The following GDF7 variants were observed in gnomAD, a reference collection of about 807,000 sequenced individuals.
GDF7 encodes growth differentiation factor 7.
Under a neutral mutation model 13.4 loss-of-function variants are expected in GDF7, and 12 were observed. That is an observed-to-expected ratio of 0.90 (90% confidence interval 0.57 to 1.45). GDF7 has a LOEUF of 1.45. Ranked by LOEUF, GDF7 falls within the 40% of genes most tolerant of loss-of-function variation. The pLI is 0.00. For synonymous variants in GDF7, 330 were observed against 306.4 expected (o/e 1.08, Z -0.80); for missense variants, 651 against 652.4 (o/e 1.00, Z 0.02).
Position 20,671,026 on chromosome 2 carries a change from A to G in GDF7, c.954A>G (p.Arg318=). The G allele has an allele frequency of 2.0e-6, 3 of 1,526,556 alleles. No homozygotes were observed. Among genetic ancestry groups the G allele is most frequent in the Non-Finnish European group, 1.8e-6 (2 of 1,138,476 alleles). 94.6% of individuals were successfully genotyped at this position (1,526,556 alleles called of 1,614,324 possible). Residue 318 remains arginine, a synonymous_variant, in exon 2 of 2, where the codon AGA becomes AGG. Coordinates refer to ENST00000272224, the MANE Select transcript of GDF7 (RefSeq NM_182828.4). ...CAAGGGCAGTCATTGGCGGCCGCAG[A>G]CGGAGGAGGACGGCGTTGGCCGGGA... The part of the protein sequence containing the change: ...ASPRAVIGGR[R]RRRTALAGTR...
Position 20,671,434 on chromosome 2 carries a change from C to A in GDF7, c.*9C>A, listed in dbSNP as rs1428384995. ...CCTGCGGCTGCAGGTAGCGCGAGGGCCGGGGAGGGGGCAGCCACGCGGCCG... is the reference window on the plus strand; with the variant it reads ...CCTGCGGCTGCAGGTAGCGCGAGGGACGGGGAGGGGGCAGCCACGCGGCCG... On this transcript the variant is annotated 3_prime_UTR_variant, in exon 2 of 2. Coordinates refer to ENST00000272224, the MANE Select transcript of GDF7 (RefSeq NM_182828.4). The A allele has an allele frequency of 2.5e-6, 4 of 1,606,426 alleles. No individual in the cohort carries two copies. Among genetic ancestry groups the A allele is most frequent in the South Asian group, 1.1e-5 (1 of 90,382 alleles).
At position 20,667,464 on chromosome 2, in the gene GDF7, C is replaced by A. The variant is rs1326250296; in HGVS notation, c.225C>A (p.Arg75=). 3 of 1,219,212 alleles carry A rather than the reference C, an allele frequency of 2.5e-6. No homozygotes were observed. In the East Asian group the frequency reaches 1.0e-4, roughly 42 times the overall value. The allele number at this position is 1,219,212 out of a possible 1,614,324, so 75.5% of individuals were successfully genotyped here. A position where few individuals can be genotyped will look rare whatever the true frequency, so the allele number is the denominator to read the frequency against. Residue 75 remains arginine, a synonymous_variant, in exon 1 of 2, where the codon CGC becomes CGA. Coordinates refer to ENST00000272224, the MANE Select transcript of GDF7 (RefSeq NM_182828.4). The surrounding 1 kb of genome is among the most constrained non-coding windows in gnomAD (Gnocchi z 6.4). ...TTCCCCGGGCCCGCGCCGCGCGCCG[C>A]GCCGCGGGCTCCGGCTTCAGGAACG... ...AAVPRARAAR[R]AAGSGFRNGS... is the part of the protein sequence containing the mutation.
At position 20,674,679 on chromosome 2, in the gene GDF7, G is replaced by A. The variant is rs1452114264; in HGVS notation, c.*3254G>A. The A allele has an allele frequency of 6.6e-6, 1 of 152,292 alleles. No homozygotes were observed. The highest frequency in any genetic ancestry group is 1.5e-5 in the Non-Finnish European group (1 of 68,084). 9.4% of individuals were successfully genotyped at this position (152,292 alleles called of 1,614,324 possible). A position where few individuals can be genotyped will look rare whatever the true frequency, so the allele number is the denominator to read the frequency against. On this transcript the variant is annotated 3_prime_UTR_variant, in exon 2 of 2. Transcript: ENST00000272224. Reference sequence around the variant, plus strand: ...GGCTTTGCTGTGTTAGCTTGGGGAAGCCAGGCTTGAGCTGTGCTCAGTCAT... The same window carrying A: ...GGCTTTGCTGTGTTAGCTTGGGGAAACCAGGCTTGAGCTGTGCTCAGTCAT...
rs1448546688 is a variant in GDF7, at chr2:20,678,069, C to CA, written c.*6647dup. 2.6e-5 allele frequency: 4 copies of CA among 152,256 alleles called. No homozygotes were observed. The highest frequency in any genetic ancestry group is 9.6e-5 in the African/African-American group (4 of 41,452). The allele number at this position is 152,256 out of a possible 1,614,324, so 9.4% of individuals were successfully genotyped here. ...TTCCTGGGTCAGGGCCTGTCAGACTCAAAGTCAGCTCTTCAGCATTCTGTT... is the reference window on the plus strand; with the variant it reads ...TTCCTGGGTCAGGGCCTGTCAGACTCAAAAGTCAGCTCTTCAGCATTCTGTT... On this transcript the variant is annotated 3_prime_UTR_variant, in exon 2 of 2. Coordinates refer to ENST00000272224, the MANE Select transcript of GDF7 (RefSeq NM_182828.4).
Position 20,670,897 on chromosome 2 carries a change from G to A in GDF7, c.825G>A (p.Gln275=). ...TGCTAGTCGTCTCCTCCCGCACGCA[G>A]AGGAAAGAGAGCTTATTCCGGGAGA... ...RAVLVVSSRT[Q]RKESLFREIR... is the part of the protein sequence containing the mutation. Residue 275 remains glutamine (Q), a synonymous_variant, in exon 2 of 2, where the codon CAG becomes CAA. Transcript: ENST00000272224. 6.4e-7 allele frequency: 1 copy of A among 1,560,008 alleles called. No individual in the cohort carries two copies. Among genetic ancestry groups the A allele is most frequent in the Admixed American group, 1.8e-5 (1 of 57,080 alleles).
Position 20,671,213 on chromosome 2 carries a change from C to G in GDF7, c.1141C>G (p.Leu381Val). 1 of 1,613,988 alleles carries G rather than the reference C, an allele frequency of 6.2e-7. No individual in the cohort carries two copies. The highest frequency in any genetic ancestry group is 8.5e-7 in the Non-Finnish European group (1 of 1,179,946). ...LDYEAYHCEG[L>V]CDFPLRSHLE... ...CTACGAGGCGTACCACTGCGAGGGCCTTTGCGACTTCCCTTTGCGTTCGCA... is the reference window on the plus strand; with the variant it reads ...CTACGAGGCGTACCACTGCGAGGGCGTTTGCGACTTCCCTTTGCGTTCGCA... The change falls in exon 2 of 2, where the codon CTT (leucine) becomes GTT (valine). Residue 381 changes from leucine to valine, a missense_variant. Physicochemically the swap from Leu to Val is conservative, Grantham distance 32 (BLOSUM62 1). Around this residue, in one of 4 missense-constraint regions of GDF7, gnomAD observed 101 missense variants for 139.2 expected, o/e 0.73. Transcript: ENST00000272224.
chr2:20,669,751 T>C (rs1386027170), intron 1 of GDF7, among the ~76,000 whole-genome samples: 3 of 152,218 alleles, frequency 2.0e-5, no homozygotes, highest in East Asian at 1.9e-4. Context: ...ACCTGAGACC[T>C]TGGGCGAGCC....
Position 20,675,968 on chromosome 2 carries a change from GTGGGCGGAGCCACACTC to G in GDF7, c.*4544_*4560del, listed in dbSNP as rs1423560183. On this transcript the variant is annotated 3_prime_UTR_variant, in exon 2 of 2. Transcript: ENST00000272224. Reference sequence around the variant, plus strand: ...TGCAGTTCCTCCTGTGCTCAGTGGGGTGGGCGGAGCCACACTCAAGCTGAGACTGTCTGAGAGACCTA... The same window carrying G: ...TGCAGTTCCTCCTGTGCTCAGTGGGGAAGCTGAGACTGTCTGAGAGACCTA... 1 of 152,412 alleles carries G rather than the reference GTGGGCGGAGCCACACTC, an allele frequency of 6.6e-6. No individual in the cohort carries two copies. Among genetic ancestry groups the G allele is most frequent in the Admixed American group, 6.5e-5 (1 of 15,314 alleles). The allele number at this position is 152,412 out of a possible 1,614,324, so 9.4% of individuals were successfully genotyped here.
chr2:20,670,435 TTCTC>T (rs1662094877), intron 1 of GDF7, 25 bp from the exon 2 acceptor site: 6 of 1,494,360 alleles, frequency 4.0e-6, no homozygotes, highest in Non-Finnish European at 5.3e-6. Flanking sequence ...ACACAGCTCT[TTCTC>T]TCTGTCCCTG....
chr2:20,668,915 G>GTGTGCCCTGTA (rs1439117797), intron 1 of GDF7, among the ~76,000 whole-genome samples: 66 of 96,590 alleles, frequency 6.8e-4, no homozygotes, highest in African/African-American at 2.7e-3. Context: ...AGGGACTGAA[G>GTGTGCCCTGTA]GGTCCCAGGC....
At chr2:20,669,040 T>C (rs1407872437) in intron 1 of GDF7, among the ~76,000 whole-genome samples, 8 of 152,196 alleles carry the variant, frequency 5.3e-5, no homozygotes, top group African/African-American at 1.9e-4. Flanking sequence ...TCTGGGGAGC[T>C]CAGCTTGGCT....
In GDF7 at chr2:20,667,597, A is replaced by G; in HGVS notation, c.358A>G (p.Thr120Ala). Residue 120 changes from threonine to alanine, a missense_variant, in exon 1 of 2, where the codon ACG becomes GCG. Coordinates refer to ENST00000272224, the MANE Select transcript of GDF7 (RefSeq NM_182828.4). This position sits in a 1 kb window ranked among gnomAD's most constrained non-coding sequence, Gnocchi z 6.4. The stretch of plus-strand genomic sequence containing the variant: ...CGCCTCGGGCCATGGTCGCGCGGAC[A>G]CGATCACCGGCTTCACAGACCAGGC... Reference protein sequence around the residue: ...VSASGHGRADTITGFTDQATQ... With the variant: ...VSASGHGRADAITGFTDQATQ... The G allele has an allele frequency of 2.0e-6, 3 of 1,511,394 alleles. No individual in the cohort carries two copies. Among genetic ancestry groups the G allele is most frequent in the Non-Finnish European group, 2.6e-6 (3 of 1,136,660 alleles). 93.6% of individuals were successfully genotyped at this position (1,511,394 alleles called of 1,614,324 possible).
At position 20,667,345 on chromosome 2, in the gene GDF7, C is replaced by T; in HGVS notation, c.106C>T (p.Pro36Ser). Residue 36 changes from proline to serine, a missense_variant, in exon 1 of 2, where the codon CCG becomes TCG. Pro to Ser is a moderately conservative substitution (Grantham distance 74, BLOSUM62 -1). This residue lies in a region of GDF7 where 61 missense variants were observed against 50.5 expected (regional missense o/e 1.21). Transcript: ENST00000272224. This position sits in a 1 kb window ranked among gnomAD's most constrained non-coding sequence, Gnocchi z 6.4. ...AAVLRAAGAG[P>S]VRSPGGGGGG... is the part of the protein sequence containing the mutation. ...CGTGCTGCGAGCGGCGGGGGCTGGG[C>T]CGGTCCGGAGCCCAGGGGGCGGCGG... is the stretch of plus-strand genomic sequence containing the variant. 1.1e-6 allele frequency: 1 copy of T among 951,010 alleles called. No individual in the cohort carries two copies. 58.9% of individuals were successfully genotyped at this position (951,010 alleles called of 1,614,324 possible).
Position 20,672,960 on chromosome 2 carries a change from C to A in GDF7, c.*1535C>A, listed in dbSNP as rs181467549. 89 of 152,160 alleles carry A rather than the reference C, an allele frequency of 5.8e-4. No homozygotes were observed. Among genetic ancestry groups the A allele is most frequent in the African/African-American group, 2.0e-3 (82 of 41,522 alleles). 9.4% of individuals were successfully genotyped at this position (152,160 alleles called of 1,614,324 possible). On this transcript the variant is annotated 3_prime_UTR_variant, in exon 2 of 2. Coordinates refer to ENST00000272224, the MANE Select transcript of GDF7 (RefSeq NM_182828.4). Reference sequence around the variant, plus strand: ...GGACTCCAGCTGTCCGGGGTGGGGGCTTCTTAGAACAGCCCCGCAGCCCTC... The same window carrying A: ...GGACTCCAGCTGTCCGGGGTGGGGGATTCTTAGAACAGCCCCGCAGCCCTC...
Position 20,667,337 on chromosome 2 carries a change from G to A in GDF7, c.98G>A (p.Gly33Glu). 1 of 1,028,100 alleles carries A rather than the reference G, an allele frequency of 9.7e-7. No homozygotes were observed. The highest frequency in any genetic ancestry group is 4.2e-5 in the South Asian group (1 of 23,822). The allele number at this position is 1,028,100 out of a possible 1,614,324, so 63.7% of individuals were successfully genotyped here. The part of the protein sequence containing the change: ...LEAAAVLRAA[G>E]AGPVRSPGGG... The stretch of plus-strand genomic sequence containing the variant: ...GCGGCCGCCGTGCTGCGAGCGGCGG[G>A]GGCTGGGCCGGTCCGGAGCCCAGGG... Residue 33 changes from glycine (G) to glutamate (E), a missense_variant, in exon 1 of 2, where the codon GGG becomes GAG. Around this residue, in one of 4 missense-constraint regions of GDF7, gnomAD observed 61 missense variants for 50.5 expected, o/e 1.21. Coordinates refer to ENST00000272224, the MANE Select transcript of GDF7 (RefSeq NM_182828.4). This position sits in a 1 kb window ranked among gnomAD's most constrained non-coding sequence, Gnocchi z 6.4.
chr2:20,676,921 C>T lies in GDF7; in HGVS notation c.*5496C>T, dbSNP rs1662237757. 1 of 152,276 alleles carries T rather than the reference C, an allele frequency of 6.6e-6. No individual in the cohort carries two copies. The highest frequency in any genetic ancestry group is 1.5e-5 in the Non-Finnish European group (1 of 68,058). 9.4% of individuals were successfully genotyped at this position (152,276 alleles called of 1,614,324 possible). On this transcript the variant is annotated 3_prime_UTR_variant, in exon 2 of 2. Coordinates refer to ENST00000272224, the MANE Select transcript of GDF7 (RefSeq NM_182828.4). ...CAGAGCAGCGTGCGATGGTCCACTT[C>T]CTCCTGCCTCTGCAGAGCTTGCAGG...
Sources: allele counts gnomAD v4.1 joint callset (sites outside exome capture counted in the v4.1 genomes callset), GRCh38; gene constraint gnomAD v4.1.1; regional missense constraint gnomAD v4.1.1; non-coding constraint Gnocchi (gnomAD v3.1); transcripts MANE v1.5; gene names NCBI Gene and HGNC (gene_info 2026-07-23, HGNC 2026-07-21).